The following SNX29 variants were observed in gnomAD, a reference collection of about 807,000 sequenced individuals.
SNX29 encodes sorting nexin-29.
In SNX29, 78 loss-of-function variants were observed where a neutral mutation model predicts 102.1. That is an observed-to-expected ratio of 0.76 (90% CI 0.64 to 0.92). SNX29 has a LOEUF of 0.92. Among genes scored for constraint, SNX29 ranks in the 40% least tolerant of loss-of-function variants. The pLI is 0.00. For missense variants in SNX29, 1,280 were observed against 1,061.7 expected (o/e 1.21, Z -2.86); for synonymous variants, 580 against 414.5 (o/e 1.40, Z -4.85).
At position 12,374,899 on chromosome 16, in the gene SNX29, G is replaced by A. The variant is rs1045812449; in HGVS notation, c.1899+18620G>A. On this transcript the variant is annotated intron_variant, in intron 16 of 20. Transcript: ENST00000566228. ...TCATCAGATCCAGTTGCCTTCTAGTGATACTGGCTTTCTGTTTGCTAGAGT... is the reference window on the plus strand; with the variant it reads ...TCATCAGATCCAGTTGCCTTCTAGTAATACTGGCTTTCTGTTTGCTAGAGT... The A allele has an allele frequency of 2.0e-5, 3 of 152,170 alleles. No homozygotes were observed. The East Asian group carries it at 5.8e-4, about 29-fold the overall frequency. 9.4% of individuals were successfully genotyped at this position (152,170 alleles called of 1,614,324 possible). A position where few individuals can be genotyped will look rare whatever the true frequency, so the allele number is the denominator to read the frequency against.
Position 12,572,944 on chromosome 16 carries a change from C to A in SNX29, c.*4315C>A. The A allele has an allele frequency of 1.4e-6, 1 of 737,946 alleles. No individual in the cohort carries two copies. The highest frequency in any genetic ancestry group is 1.7e-6 in the Non-Finnish European group (1 of 581,006). The allele number at this position is 737,946 out of a possible 1,614,324, so 45.7% of individuals were successfully genotyped here. A position where few individuals can be genotyped will look rare whatever the true frequency, so the allele number is the denominator to read the frequency against. The stretch of plus-strand genomic sequence containing the variant: ...AGTGTTTCTTCAAGGCAGGCATCTG[C>A]TTATGAGCAAGGTCAAAGATTTTTC... On this transcript the variant is annotated 3_prime_UTR_variant, in exon 21 of 21. Coordinates refer to ENST00000566228, the MANE Select transcript of SNX29 (RefSeq NM_032167.5).
At chr16:11,999,390 T>TC in intron 2 of SNX29, 32 bp downstream of exon 2, 1 of 1,610,078 alleles carries the variant, frequency 6.2e-7, no homozygotes, top group Non-Finnish European at 8.5e-7. Context: ...GCCTTTTTGG[T>TC]CGAGTAATAG....
intron 18 of SNX29, among the ~76,000 whole-genome samples, chr16:12,474,575 A>T (rs960272822): frequency 9.2e-5 from 14 of 152,216 alleles, no homozygotes; most frequent in Admixed American, 9.2e-4. Context: ...GGGCTCTTGC[A>T]TATACATTAT....
chr16:12,552,423 C>G (rs1156779827), intron 20 of SNX29, among the ~76,000 whole-genome samples: 1 of 152,178 alleles, frequency 6.6e-6, no homozygotes, highest in Non-Finnish European at 1.5e-5. Flanking sequence ...GTGGTCAGTT[C>G]TTTTGGCTCG....
chr16:12,546,385 G>C (rs1018081299), intron 20 of SNX29: 3 of 148,112 alleles, frequency 2.0e-5, no homozygotes, highest in Non-Finnish European at 3.1e-5. Context: ...CACCGTGGAA[G>C]GCAAGGAGCA....
At chr16:12,135,687 T>A in intron 13 of SNX29, 1 of 1,152,630 alleles carries the variant, frequency 8.7e-7, no homozygotes, top group Non-Finnish European at 1.2e-6. Flanking sequence ...AAGCTGTGTT[T>A]CCTCTGGACT....
rs111766430 is a variant in SNX29 at position 12,054,944 on chromosome 16, C to T, written c.1124+2722C>T. On this transcript the variant is annotated intron_variant, in intron 8 of 20. Coordinates refer to ENST00000566228, the MANE Select transcript of SNX29 (RefSeq NM_032167.5). ...CGGATCTCAAATGAATATTTTCACA[C>T]GCAAGATTTTTTTCCTACGAGTGAA... 5.6e-3 allele frequency among the ~76,000 whole-genome samples: 850 copies of T among 152,246 alleles called. 13 individuals carry two copies. The highest frequency in any genetic ancestry group is 0.041 in the Middle Eastern group (12 of 294).
intron 19 of SNX29, among the ~76,000 whole-genome samples, chr16:12,498,621 C>T (rs568473614): frequency 3.9e-5 from 6 of 152,148 alleles, no homozygotes; most frequent in Non-Finnish European, 8.8e-5. Flanking sequence ...CATAGGCTTA[C>T]AATTTTTGAG....
At chr16:12,558,713 G>C (rs919884648) in intron 20 of SNX29, among the ~76,000 whole-genome samples, 3 of 151,104 alleles carry the variant, frequency 2.0e-5, no homozygotes, top group Admixed American at 6.5e-5. Flanking sequence ...CCGTTTCTAC[G>C]GGGGGCTGCA....
In SNX29 at chr16:12,468,169, CTTTTT is replaced by C. The variant is rs59089512; in HGVS notation, c.2038-9528_2038-9524del. On this transcript the variant is annotated intron_variant, in intron 18 of 20. Transcript: ENST00000566228. ...CTTCCAGGACTGTCTACTCTGACTC[CTTTTT>C]TTTTTTTTTTTTTTTTTTTTTAGGG... 7.3e-3 allele frequency among the ~76,000 whole-genome samples: 679 copies of C among 92,658 alleles called. 6 individuals are homozygous for C. The highest frequency in any genetic ancestry group is 0.014 in the Middle Eastern group (2 of 138). The allele number at this position is 92,658 out of a possible 152,430, so 60.8% of individuals were successfully genotyped here.
intron 16 of SNX29, among the ~76,000 whole-genome samples, chr16:12,378,605 C>T (rs1237590160): frequency 6.6e-6 from 1 of 152,170 alleles, no homozygotes; most frequent in Non-Finnish European, 1.5e-5. Flanking sequence ...GCCGAGAGGG[C>T]TCGGTCCCCA....
At chr16:12,380,696 C>T (rs111218296) in intron 16 of SNX29, among the ~76,000 whole-genome samples, 10,640 of 65,190 alleles carry the variant, frequency 0.16, 2,145 homozygotes, top group Non-Finnish European at 0.27. Flanking sequence ...ATCCACCCAT[C>T]CACCCACCAA....
At chr16:12,367,533 C>T (rs1019720361) in intron 16 of SNX29, 2 of 152,186 alleles carry the variant, frequency 1.3e-5, no homozygotes, top group Admixed American at 1.3e-4. Flanking sequence ...AAACCCCATC[C>T]CAAGTTTTGT....
chr16:12,017,935 C>T (rs1288187511), intron 3 of SNX29, among the ~76,000 whole-genome samples: 1 of 151,934 alleles, frequency 6.6e-6, no homozygotes, highest in African/African-American at 2.4e-5. Context: ...GAGACGAAGT[C>T]TCTCTCGTCA....
At chr16:12,260,947 G>A (rs71385198) in intron 14 of SNX29, among the ~76,000 whole-genome samples, 4,092 of 151,062 alleles carry the variant, frequency 0.027, 56 homozygotes, top group Non-Finnish European at 0.042. Flanking sequence ...GCTGGAGTGA[G>A]TATTTGCTGA....
Position 12,048,593 on chromosome 16 carries a change from C to G in SNX29, c.721C>G (p.Pro241Ala). The G allele has an allele frequency of 6.2e-7, 1 of 1,613,928 alleles. No individual in the cohort carries two copies. Among genetic ancestry groups the G allele is most frequent in the Non-Finnish European group, 8.5e-7 (1 of 1,179,862 alleles). The change falls in exon 7 of 21, where the codon CCT becomes GCT. Residue 241 changes from proline to alanine, a missense_variant. Coordinates refer to ENST00000566228, the MANE Select transcript of SNX29 (RefSeq NM_032167.5). ...ACCTGAACAGGAGACCGACCCCTTG[C>G]CTGTCGTGTCCAGGAATGTCAGTGC... ...IKPEQETDPLPVVSRNVSADA... is the reference protein window; with the variant it reads ...IKPEQETDPLAVVSRNVSADA...
intron 16 of SNX29, among the ~76,000 whole-genome samples, chr16:12,390,508 C>G (rs2083493320): frequency 6.6e-6 from 1 of 152,164 alleles, no homozygotes; most frequent in Non-Finnish European, 1.5e-5. Context: ...TCCTCTCCCC[C>G]TGTCACCTGC....
intron 20 of SNX29, among the ~76,000 whole-genome samples, chr16:12,539,988 C>T (rs570638385): frequency 2.0e-5 from 3 of 152,186 alleles, no homozygotes; most frequent in Non-Finnish European, 2.9e-5. Flanking sequence ...TTCTAGTCTT[C>T]AGCTTCTTTT....
intron 16 of SNX29, among the ~76,000 whole-genome samples, chr16:12,384,392 G>C (rs559683906): frequency 1.2e-4 from 18 of 152,286 alleles, no homozygotes; most frequent in Admixed American, 1.0e-3. Flanking sequence ...GTTACTGCCT[G>C]TCTTTTGGAT....
Sources: gnomAD v4.1 joint callset for allele counts (sites outside exome capture counted in the v4.1 genomes callset) on GRCh38, gnomAD v4.1.1 for gene constraint, MANE v1.5 for transcripts, NCBI Gene and HGNC (gene_info 2026-07-23, HGNC 2026-07-21) for gene names.